NSUN5: variants seen among roughly 807,000 people sequenced by gnomAD.
NSUN5 encodes 28S rRNA (cytosine-C(5))-methyltransferase.
A neutral mutation model predicts 51.1 loss-of-function variants in NSUN5; 39 were observed. The observed-to-expected ratio is 0.76, with a 90% CI of 0.59 to 1.00. The LOEUF (loss-of-function observed/expected upper bound fraction) is 1.00. Among genes scored for constraint, NSUN5 ranks in the 50% least tolerant of loss-of-function variants. NSUN5 has a pLI of 0.00. For synonymous variants in NSUN5, 266 were observed against 271.5 expected (o/e 0.98, Z 0.20); for missense variants, 526 against 614.0 (o/e 0.86, Z 1.51).
In NSUN5 at chr7:73,304,038, T is replaced by A; in HGVS notation, c.935-2A>T. Reference sequence around the variant, plus strand: ...CCTCCAGCTGTCTGCTCGGCATACCTAAGGAAAAGAGTGTCTCTGTTACAT... The same window carrying A: ...CCTCCAGCTGTCTGCTCGGCATACCAAAGGAAAAGAGTGTCTCTGTTACAT... On this transcript the variant is annotated splice_acceptor_variant, in intron 7 of 9. Coordinates refer to ENST00000438747, the MANE Select transcript of NSUN5 (RefSeq NM_148956.4). LOFTEE classifies it high-confidence loss of function. The A allele has an allele frequency of 6.2e-7, 1 of 1,613,732 alleles. No homozygotes were observed. Among genetic ancestry groups the A allele is most frequent in the Non-Finnish European group, 8.5e-7 (1 of 1,179,786 alleles).
chr7:73,308,194 C>T (rs1406605631), intron 2 of NSUN5: 3 of 548,318 alleles, frequency 5.5e-6, no homozygotes, highest in Non-Finnish European at 9.2e-6. Context: ...CCGCCACGCC[C>T]GACTTCCTTA....
intron 4 of NSUN5, among the ~76,000 whole-genome samples, chr7:73,306,064 G>A (rs1554541775): frequency 2.0e-5 from 3 of 152,116 alleles, no homozygotes; most frequent in Non-Finnish European, 2.9e-5. Context: ...GAGAAAGCAG[G>A]AGGGACAGCA....
At chr7:73,308,352 T>C in intron 2 of NSUN5, 79 bp downstream of exon 2, 1 of 1,502,454 alleles carries the variant, frequency 6.7e-7, no homozygotes, top group East Asian at 2.3e-5. Context: ...AGTCCCGCCG[T>C]GCACGGCAGC....
chr7:73,304,935 C>T (rs782360385), intron 5 of NSUN5, 24 bp downstream of exon 5: 1 of 1,612,344 alleles, frequency 6.2e-7, no homozygotes, highest in Non-Finnish European at 8.5e-7. Flanking sequence ...ACACATTCTT[C>T]CCTTTTCTAT....
rs782068300 is a variant in NSUN5, at chr7:73,308,530, C to T, written c.117G>A (p.Leu39=). ...NFQNVKQLYA[L]VCETQRYSAV... ...CGGAGTAGCGCTGCGTTTCGCACAC[C>T]AGCGCGTACAGCTGCTTCACGTTCT... The change falls in exon 2 of 10, where the codon CTG becomes CTA. Residue 39 remains leucine, a synonymous_variant. Transcript: ENST00000438747. The T allele has an allele frequency of 6.2e-7, 1 of 1,601,920 alleles. No homozygotes were observed. Among genetic ancestry groups the T allele is most frequent in the South Asian group, 1.1e-5 (1 of 90,754 alleles).
At chr7:73,307,965 C>A in intron 2 of NSUN5, 1 of 577,922 alleles carries the variant, frequency 1.7e-6, no homozygotes, top group Non-Finnish European at 3.0e-6. Flanking sequence ...AGCCTTAGAC[C>A]CTTTCTCCAC....
At chr7:73,304,575 G>C (rs1803956353) in intron 6 of NSUN5, 167 bp from the exon 7 acceptor site, 3 of 839,854 alleles carry the variant, frequency 3.6e-6, no homozygotes, top group Non-Finnish European at 5.8e-6. Context: ...CAAGGGCTAA[G>C]GGATCCACAT....
Position 73,303,532 on chromosome 7 carries a change from A to G in NSUN5, c.1287-3T>C, listed in dbSNP as rs376837509. 4 of 1,614,148 alleles carry G rather than the reference A, an allele frequency of 2.5e-6. No homozygotes were observed. The highest frequency in any genetic ancestry group is 3.4e-6 in the Non-Finnish European group (4 of 1,180,026). ...ATGCTTTGGCCTGTGAGGCTGAGCTAGAGAAGTGTAGATGTTAGATGTGCC... is the reference window on the plus strand; with the variant it reads ...ATGCTTTGGCCTGTGAGGCTGAGCTGGAGAAGTGTAGATGTTAGATGTGCC... On this transcript the variant is annotated splice_polypyrimidine_tract_variant and splice_region_variant and intron_variant, in intron 9 of 9. Coordinates refer to ENST00000438747, the MANE Select transcript of NSUN5 (RefSeq NM_148956.4).
Position 73,302,951 on chromosome 7 carries a change from A to G in NSUN5, c.*464T>C. 9.1e-7 allele frequency: 1 copy of G among 1,099,510 alleles called. No homozygotes were observed. The highest frequency in any genetic ancestry group is 2.7e-5 in the South Asian group (1 of 36,934). The allele number at this position is 1,099,510 out of a possible 1,614,324, so 68.1% of individuals were successfully genotyped here. The stretch of plus-strand genomic sequence containing the variant: ...GGTCTGGGTGGGCCTGGGCCTAGCA[A>G]TCAAGCTTCTACCTGTACCTTATGT... On this transcript the variant is annotated 3_prime_UTR_variant, in exon 10 of 10. Transcript: ENST00000438747.
At chr7:73,307,117 T>G (rs1804070080) in intron 4 of NSUN5, among the ~76,000 whole-genome samples, 5 of 151,986 alleles carry the variant, frequency 3.3e-5, no homozygotes, top group Admixed American at 3.3e-4. Context: ...GAGGTAAGAA[T>G]GCAAGAGGGA....
chr7:73,305,524 G>T lies in NSUN5; in HGVS notation c.501-427C>A, dbSNP rs1209440787. ...CTGTCGCCCAGGCTGGAGTGCAGTG[G>T]CGCGATCTCGGCTCACTGCAAGCTC... On this transcript the variant is annotated intron_variant, in intron 4 of 9. Transcript: ENST00000438747. 2.7e-4 allele frequency among the ~76,000 whole-genome samples: 40 copies of T among 150,194 alleles called. 2 individuals carry two copies.
At position 73,303,516 on chromosome 7, in the gene NSUN5, C is replaced by G. The variant is rs782750236; in HGVS notation, c.1300G>C (p.Ala434Pro). 1 of 1,614,192 alleles carries G rather than the reference C, an allele frequency of 6.2e-7. No individual in the cohort carries two copies. Among genetic ancestry groups the G allele is most frequent in the South Asian group, 1.1e-5 (1 of 91,084 alleles). ...GTGCGTTCTGGTGCTGATGCTTTGG[C>G]CTGTGAGGCTGAGCTAGAGAAGTGT... ...RVEVPSSASQ[A>P]KASAPERTPS... The change falls in exon 10 of 10, where the codon GCC becomes CCC. Residue 434 changes from alanine (A) to proline (P), a missense_variant. Ala to Pro is a conservative substitution (Grantham distance 27, BLOSUM62 -1). Transcript: ENST00000438747.
chr7:73,303,924 A>G lies in NSUN5; in HGVS notation c.1047T>C (p.Pro349=). Residue 349 remains proline (P), a synonymous_variant, in exon 8 of 10, where the codon CCT becomes CCC. Coordinates refer to ENST00000438747, the MANE Select transcript of NSUN5 (RefSeq NM_148956.4). ...TGGAGTAGACGAGCCGCTGCAGGGA[A>G]GGGAAAGTGAGTGCGTGGCACAGGG... ...QRALCHALTF[P]SLQRLVYSTC... is the part of the protein sequence containing the mutation. 6.2e-7 allele frequency: 1 copy of G among 1,613,940 alleles called. No individual in the cohort carries two copies. Among genetic ancestry groups the G allele is most frequent in the Non-Finnish European group, 8.5e-7 (1 of 1,179,970 alleles).
At chr7:73,308,041 G>A in intron 2 of NSUN5, 1 of 475,680 alleles carries the variant, frequency 2.1e-6, no homozygotes, top group Non-Finnish European at 3.7e-6. Context: ...GTGGGTTTGG[G>A]TTTTCTTTTT....
At chr7:73,305,585 C>A (rs1472958425) in intron 4 of NSUN5, among the ~76,000 whole-genome samples, 9 of 151,796 alleles carry the variant, frequency 5.9e-5, no homozygotes, top group Non-Finnish European at 5.9e-5. Flanking sequence ...CTGCCTCAGC[C>A]TCCCGAGTAG....
rs376143212 is a variant in NSUN5, at chr7:73,307,479, G to A, written c.415C>T (p.Arg139Cys). 22 of 1,613,966 alleles carry A rather than the reference G, an allele frequency of 1.4e-5. No homozygotes were observed. The highest frequency in any genetic ancestry group is 6.7e-5 in the East Asian group (3 of 44,896). The change falls in exon 4 of 10, where the codon CGT becomes TGT. Residue 139 changes from arginine to cysteine, a missense_variant. Transcript: ENST00000438747. ...GPASQLPRFV[R>C]VNTLKTCSDD... ...GAGCAGGTCTTGAGAGTGTTCACAC[G>A]CACAAATCGAGGCAGCTGGGAGGCT...
chr7:73,304,192 T>C (rs1563289217), intron 7 of NSUN5, 38 bp downstream of exon 7: 2 of 1,578,118 alleles, frequency 1.3e-6, no homozygotes, highest in Non-Finnish European at 8.6e-7. Context: ...CTGCTGTGGA[T>C]CTGCGAGTCC....
At chr7:73,304,613 C>T (rs1803957579) in intron 6 of NSUN5, 134 bp downstream of exon 6, 1 of 924,596 alleles carries the variant, frequency 1.1e-6, no homozygotes, top group East Asian at 2.6e-5. Flanking sequence ...GAAAGCTTAG[C>T]TTGGGGCAAA....
intron 4 of NSUN5, 73 bp from the exon 5 acceptor site, chr7:73,305,170 G>A: frequency 6.4e-7 from 1 of 1,551,228 alleles, no homozygotes; most frequent in South Asian, 1.2e-5. Flanking sequence ...GTCCATTCAT[G>A]CAACAAATGT....
Sources: gnomAD v4.1 joint callset for allele counts (sites outside exome capture counted in the v4.1 genomes callset) on GRCh38, gnomAD v4.1.1 for gene constraint, MANE v1.5 for transcripts, NCBI Gene and HGNC (gene_info 2026-07-23, HGNC 2026-07-21) for gene names.